LZTFL1: variants seen among roughly 807,000 people sequenced by gnomAD.
The protein encoded by LZTFL1 is leucine zipper transcription factor-like protein 1.
LZTFL1 carries 25 observed loss-of-function variants against 45.9 expected under a neutral mutation model. That is an observed-to-expected ratio of 0.54 (90% CI 0.40 to 0.76). LZTFL1 has a LOEUF of 0.76. LZTFL1 is among the 30% of genes least tolerant of loss of function. The pLI is 0.00. For missense variants in LZTFL1, 277 were observed against 331.1 expected (o/e 0.84, Z 1.27); for synonymous variants, 93 against 117.4 (o/e 0.79, Z 1.35).
chr3:45,874,706 G>C (rs1192072110), intron 2 of LZTFL1, among the ~76,000 whole-genome samples: 2 of 152,206 alleles, frequency 1.3e-5, no homozygotes, highest in Non-Finnish European at 2.9e-5. Flanking sequence ...GAGAGGTAGT[G>C]TCTGTCTCCC....
intron 2 of LZTFL1, among the ~76,000 whole-genome samples, chr3:45,887,817 G>T (rs1384809518): frequency 6.6e-6 from 1 of 152,240 alleles, no homozygotes; most frequent in Non-Finnish European, 1.5e-5. Flanking sequence ...TCCAGGCATG[G>T]TGAGTGGATG....
intron 2 of LZTFL1, among the ~76,000 whole-genome samples, chr3:45,905,181 C>T (rs1218852879): frequency 2.0e-5 from 3 of 152,166 alleles, no homozygotes; most frequent in Non-Finnish European, 2.9e-5. Context: ...TTAGTAAGTA[C>T]CACAGCCTTA....
intron 2 of LZTFL1, among the ~76,000 whole-genome samples, chr3:45,892,651 A>C (rs1702222408): frequency 6.6e-6 from 1 of 152,062 alleles, no homozygotes; most frequent in African/African-American, 2.4e-5. Flanking sequence ...TAATCTATAC[A>C]CCAAGCCCCC....
intron 7 of LZTFL1, among the ~76,000 whole-genome samples, chr3:45,830,490 G>A (rs957466857): frequency 2.0e-5 from 3 of 151,992 alleles, no homozygotes; most frequent in Non-Finnish European, 2.9e-5. Flanking sequence ...GTAATGTTCA[G>A]TATAATAAAA....
chr3:45,899,985 G>A (rs750255725), intron 2 of LZTFL1, among the ~76,000 whole-genome samples: 2 of 152,194 alleles, frequency 1.3e-5, no homozygotes, highest in Non-Finnish European at 2.9e-5. Flanking sequence ...CTATGTGTAT[G>A]TGAGCATGAG....
rs1036411229 is a variant in LZTFL1 at position 45,823,354 on chromosome 3, G to A, written c.*2960C>T. The A allele has an allele frequency of 1.3e-5, 2 of 152,188 alleles. No homozygotes were observed. Among genetic ancestry groups the A allele is most frequent in the Non-Finnish European group, 2.9e-5 (2 of 68,040 alleles). The allele number at this position is 152,188 out of a possible 1,614,324, so 9.4% of individuals were successfully genotyped here. A position where few individuals can be genotyped will look rare whatever the true frequency, so the allele number is the denominator to read the frequency against. On this transcript the variant is annotated 3_prime_UTR_variant, in exon 10 of 10. Coordinates refer to ENST00000296135, the MANE Select transcript of LZTFL1 (RefSeq NM_020347.4). The stretch of plus-strand genomic sequence containing the variant: ...AACAGTGGTTTTTTAATCTGTAAAA[G>A]TTAAAGGATGTATTATAGGCAAAAA...
intron 2 of LZTFL1, chr3:45,883,828 C>T: frequency 1.9e-6 from 1 of 533,382 alleles, no homozygotes; most frequent in East Asian, 3.4e-5. Context: ...GAGTTGCAGC[C>T]ACGGAGTAGG....
At chr3:45,834,348 A>G (rs1217673437) in intron 3 of LZTFL1, 50 bp from the exon 4 acceptor site, 6 of 1,236,060 alleles carry the variant, frequency 4.9e-6, no homozygotes, top group Non-Finnish European at 5.8e-6. Flanking sequence ...ATAGATTTAT[A>G]TCACACGCAA....
intron 8 of LZTFL1, 81 bp downstream of exon 8, chr3:45,828,358 A>T: frequency 8.0e-7 from 1 of 1,247,180 alleles, no homozygotes; most frequent in Non-Finnish European, 1.1e-6. Flanking sequence ...TCCAACGTTT[A>T]TCTTAGCCAC....
intron 2 of LZTFL1, among the ~76,000 whole-genome samples, chr3:45,892,603 C>T (rs527532290): frequency 5.9e-5 from 9 of 152,234 alleles, no homozygotes; most frequent in Non-Finnish European, 1.2e-4. Flanking sequence ...AAACTATCTA[C>T]CAGTCAGGTA....
intron 2 of LZTFL1, 67 bp from the exon 3 acceptor site, chr3:45,835,851 A>G: frequency 8.7e-7 from 1 of 1,153,034 alleles, no homozygotes; most frequent in East Asian, 2.4e-5. Flanking sequence ...ATACAGCAAA[A>G]TTAAGAAACC....
At chr3:45,880,458 C>A (rs762516147) in intron 2 of LZTFL1, among the ~76,000 whole-genome samples, 1 of 152,048 alleles carries the variant, frequency 6.6e-6, no homozygotes. Flanking sequence ...GCCGAGATCA[C>A]GCCACTGCAC....
chr3:45,865,386 A>G (rs79091774), intron 2 of LZTFL1, among the ~76,000 whole-genome samples: 6 of 152,398 alleles, frequency 3.9e-5, no homozygotes, highest in African/African-American at 1.4e-4. Flanking sequence ...TTCATTGTTC[A>G]GTGAGTGAAA....
intron 2 of LZTFL1, among the ~76,000 whole-genome samples, chr3:45,879,517 C>T (rs918868075): frequency 1.3e-5 from 2 of 152,198 alleles, no homozygotes; most frequent in South Asian, 2.1e-4. Flanking sequence ...AAGAGAGGGA[C>T]GAATAGGTGG....
At chr3:45,902,227 T>C (rs200141830) in intron 2 of LZTFL1, 13 of 233,232 alleles carry the variant, frequency 5.6e-5, no homozygotes, top group Middle Eastern at 1.6e-3. Context: ...ATTTTCTCCA[T>C]GCACTGTGAA....
intron 2 of LZTFL1, chr3:45,883,595 G>A (rs1045273943): frequency 1.2e-5 from 4 of 325,876 alleles, no homozygotes; most frequent in African/African-American, 2.2e-5. Flanking sequence ...TGAAGGCAAA[G>A]AGGCATGCAT....
intron 2 of LZTFL1, chr3:45,894,913 C>T: frequency 6.2e-7 from 1 of 1,613,644 alleles, no homozygotes; most frequent in Middle Eastern, 1.7e-4. Flanking sequence ...CAGGAGCAGG[C>T]TTGCATCTGA....
intron 2 of LZTFL1, among the ~76,000 whole-genome samples, chr3:45,877,634 T>C (rs1433871115): frequency 2.6e-5 from 4 of 152,180 alleles, no homozygotes; most frequent in African/African-American, 9.6e-5. Flanking sequence ...TTTCCAAATA[T>C]GGTTAATACT....
chr3:45,848,032 G>T (rs191807749), intron 4 of LZTFL1, among the ~76,000 whole-genome samples: 15 of 151,998 alleles, frequency 9.9e-5, no homozygotes, highest in African/African-American at 3.6e-4. Context: ...TAAAATTATC[G>T]ACCCATCCTT....
Sources: allele counts gnomAD v4.1 joint callset (sites outside exome capture counted in the v4.1 genomes callset), GRCh38; gene constraint gnomAD v4.1.1; transcripts MANE v1.5; gene names NCBI Gene and HGNC (gene_info 2026-07-23, HGNC 2026-07-21).